The following CTNNA3 variants were observed in gnomAD, a reference collection of about 807,000 sequenced individuals.
CTNNA3 encodes catenin alpha 3.
Under a neutral mutation model 95.7 loss-of-function variants are expected in CTNNA3, and 76 were observed. That is an observed-to-expected ratio of 0.79 (90% confidence interval 0.66 to 0.96). The LOEUF is 0.96. Among genes scored for constraint, CTNNA3 ranks in the 40% least tolerant of loss-of-function variants. The pLI, the probability that CTNNA3 is intolerant of heterozygous loss-of-function variation, is 0.00. For missense variants in CTNNA3, 1,191 were observed against 1,089.8 expected, an observed-to-expected ratio of 1.09 and a Z score of -1.31; for synonymous variants, 431 against 374.4, an observed-to-expected ratio of 1.15 and a Z score of -1.74.
chr10:67,115,999 A>G (rs959003280), intron 7 of CTNNA3, among the ~76,000 whole-genome samples: 2 of 152,038 alleles, frequency 1.3e-5, no homozygotes, highest in African/African-American at 4.8e-5. Context: ...AAAAATTTAA[A>G]GAGTTATTTT....
chr10:66,171,978 G>A (rs902985941), intron 13 of CTNNA3, among the ~76,000 whole-genome samples: 1 of 152,042 alleles, frequency 6.6e-6, no homozygotes, highest in South Asian at 2.1e-4. Context: ...TATGAATTTC[G>A]CTAATGGAAT....
chr10:66,592,005 A>G (rs1329031181), intron 10 of CTNNA3, among the ~76,000 whole-genome samples: 1 of 151,980 alleles, frequency 6.6e-6, no homozygotes, highest in Admixed American at 6.6e-5. Flanking sequence ...GTAAGGACTT[A>G]TAAATACAAG....
At chr10:67,060,926 G>T (rs1011892231) in intron 7 of CTNNA3, among the ~76,000 whole-genome samples, 6 of 152,068 alleles carry the variant, frequency 3.9e-5, no homozygotes, top group Admixed American at 3.9e-4. Flanking sequence ...AGCCTATCTT[G>T]ACTGGTAGAA....
chr10:67,566,043 GTATA>G (rs772272609), intron 3 of CTNNA3, among the ~76,000 whole-genome samples: 1,126 of 26,982 alleles, frequency 0.042, 164 homozygotes, highest in East Asian at 0.19. Flanking sequence ...ATGTGTGTGT[GTATA>G]TATATATATA....
chr10:66,117,968 A>C (rs2082409735), intron 13 of CTNNA3, among the ~76,000 whole-genome samples: 1 of 152,160 alleles, frequency 6.6e-6, no homozygotes, highest in African/African-American at 2.4e-5. Context: ...ACCACAGCTG[A>C]GGGACCACCA....
intron 5 of CTNNA3, among the ~76,000 whole-genome samples, chr10:67,327,296 T>C (rs1187165460): frequency 6.6e-6 from 1 of 152,202 alleles, no homozygotes. Context: ...GCAAAGAAGG[T>C]ACTCTGGCTT....
At chr10:66,203,532 CA>C (rs956379294) in intron 13 of CTNNA3, among the ~76,000 whole-genome samples, 25 of 147,054 alleles carry the variant, frequency 1.7e-4, no homozygotes, top group East Asian at 4.0e-4. Context: ...TCTTAGTGGA[CA>C]AAAAAAAAGA....
intron 2 of CTNNA3, among the ~76,000 whole-genome samples, chr10:67,619,040 A>C (rs1304812240): frequency 6.6e-6 from 1 of 152,208 alleles, no homozygotes; most frequent in Non-Finnish European, 1.5e-5. Context: ...TATTTTGTCA[A>C]TATTGAACCT....
At chr10:66,584,805 AT>A (rs1843306371) in intron 10 of CTNNA3, among the ~76,000 whole-genome samples, 1 of 151,972 alleles carries the variant, frequency 6.6e-6, no homozygotes. Flanking sequence ...TTTCAGGAGT[AT>A]TTATTCTGGT....
At chr10:66,378,477 G>A (rs1268798240) in intron 12 of CTNNA3, among the ~76,000 whole-genome samples, 2 of 152,090 alleles carry the variant, frequency 1.3e-5, no homozygotes, top group African/African-American at 4.8e-5. Flanking sequence ...ATAGTTGATT[G>A]TCCTCATTGT....
intron 9 of CTNNA3, among the ~76,000 whole-genome samples, chr10:66,660,000 T>C (rs573182225): frequency 6.6e-6 from 1 of 152,210 alleles, no homozygotes; most frequent in African/African-American, 2.4e-5. Context: ...TTTTTTCTTT[T>C]TCATAGTGAC....
intron 11 of CTNNA3, among the ~76,000 whole-genome samples, chr10:66,391,050 G>A (rs998751772): frequency 6.6e-5 from 10 of 151,438 alleles, no homozygotes; most frequent in African/African-American, 1.7e-4. Context: ...CTTTTATTCC[G>A]CCCAATACAA....
At chr10:67,607,355 T>C (rs1843312521) in intron 2 of CTNNA3, among the ~76,000 whole-genome samples, 2 of 128,434 alleles carry the variant, frequency 1.6e-5, no homozygotes, top group Admixed American at 1.4e-4. Context: ...GACGATAGTG[T>C]TATTTGTTAT....
intron 7 of CTNNA3, among the ~76,000 whole-genome samples, chr10:66,896,128 A>G (rs1564749755): frequency 1.3e-5 from 2 of 152,014 alleles, no homozygotes; most frequent in Non-Finnish European, 1.5e-5. Flanking sequence ...AAAATAAAAT[A>G]GTTGCCATAA....
chr10:67,416,529 A>C lies in CTNNA3; in HGVS notation c.579+105313T>G, dbSNP rs184715733. Among the ~76,000 whole-genome samples the C allele has an allele frequency of 0.025, 3,611 of 145,720 alleles. 283 individuals carry two copies. The East Asian group carries it at 0.3, about 12-fold the overall frequency. ...AGACTGAGGCAGGAGAATGGCGTGAACCCGGGGGGCGGAGCTTGCAGTGAG... is the reference window on the plus strand; with the variant it reads ...AGACTGAGGCAGGAGAATGGCGTGACCCCGGGGGGCGGAGCTTGCAGTGAG... On this transcript the variant is annotated intron_variant, in intron 5 of 17. Coordinates refer to ENST00000433211, the MANE Select transcript of CTNNA3 (RefSeq NM_013266.4).
At chr10:67,573,250 A>T (rs1462459982) in intron 3 of CTNNA3, among the ~76,000 whole-genome samples, 2 of 152,204 alleles carry the variant, frequency 1.3e-5, no homozygotes, top group African/African-American at 4.8e-5. Context: ...GGAAAAGCCC[A>T]GTGTCCCTAC....
intron 7 of CTNNA3, chr10:67,097,619 G>A (rs372940248): frequency 1.3e-4 from 202 of 1,612,266 alleles, no homozygotes; most frequent in Non-Finnish European, 1.4e-4. Context: ...CAACCTTTCT[G>A]GCATACGACC....
At chr10:67,341,099 A>G (rs984998531) in intron 5 of CTNNA3, among the ~76,000 whole-genome samples, 1 of 152,186 alleles carries the variant, frequency 6.6e-6, no homozygotes, top group Non-Finnish European at 1.5e-5. Flanking sequence ...TATAGGGTAC[A>G]TAAGGCATTT....
intron 1 of CTNNA3, among the ~76,000 whole-genome samples, chr10:67,702,667 G>C (rs1564836510): frequency 6.6e-6 from 1 of 152,162 alleles, no homozygotes; most frequent in Admixed American, 6.5e-5. Flanking sequence ...GCCCACAAGA[G>C]AAAGCAGGAA....
Sources: gnomAD v4.1 joint callset for allele counts (sites outside exome capture counted in the v4.1 genomes callset) on GRCh38, gnomAD v4.1.1 for gene constraint, MANE v1.5 for transcripts, NCBI Gene and HGNC (gene_info 2026-07-23, HGNC 2026-07-21) for gene names.